The following ADGRB3 variants were observed in gnomAD, a reference collection of about 807,000 sequenced individuals.
ADGRB3 encodes brain-specific angiogenesis inhibitor 3.
ADGRB3 carries 37 observed loss-of-function variants against 193.4 expected under a neutral mutation model. The ratio of observed to expected loss-of-function variants is 0.19; its 90% CI spans 0.15 to 0.25. The LOEUF (loss-of-function observed/expected upper bound fraction) is 0.25, where lower values mean the gene tolerates loss of function less well. ADGRB3 is among the 10% of genes least tolerant of loss of function. The pLI is 1.00. For missense variants in ADGRB3, 1,637 were observed against 1,852.9 expected, an observed-to-expected ratio of 0.88 and a Z score of 2.14; for synonymous variants, 690 against 644.2, an observed-to-expected ratio of 1.07 and a Z score of -1.08.
chr6:68,739,762 G>A (rs1765941279), intron 3 of ADGRB3, among the ~76,000 whole-genome samples: 1 of 152,134 alleles, frequency 6.6e-6, no homozygotes, highest in South Asian at 2.1e-4. Context: ...TCTACAGAAT[G>A]TTTACATATT....
rs568079442 is a variant in ADGRB3 at position 69,346,695 on chromosome 6, A to G, written c.3459+7191A>G. On this transcript the variant is annotated intron_variant, in intron 26 of 31. Coordinates refer to ENST00000370598, the MANE Select transcript of ADGRB3 (RefSeq NM_001704.3). ...TTAGAATGGTGATCATTAAAAAGTC[A>G]GGAAACAACAGATGCTGGAGAGGAT... Among the ~76,000 whole-genome samples the G allele has an allele frequency of 7.9e-5, 12 of 152,326 alleles. No homozygotes were observed. The East Asian group carries it at 2.1e-3, about 27-fold the overall frequency.
intron 8 of ADGRB3, among the ~76,000 whole-genome samples, chr6:68,960,585 C>T (rs1768204440): frequency 6.6e-6 from 1 of 152,124 alleles, no homozygotes; most frequent in African/African-American, 2.4e-5. Flanking sequence ...AGGATTATGC[C>T]TCCTCTGGAG....
chr6:68,999,205 C>A (rs923324406), intron 11 of ADGRB3, among the ~76,000 whole-genome samples: 2 of 151,840 alleles, frequency 1.3e-5, no homozygotes, highest in African/African-American at 4.8e-5. Flanking sequence ...TTTTCCAAAC[C>A]TTTGGACTGT....
intron 17 of ADGRB3, among the ~76,000 whole-genome samples, chr6:69,086,829 G>T (rs1377713574): frequency 6.6e-6 from 1 of 152,042 alleles, no homozygotes; most frequent in Non-Finnish European, 1.5e-5. Flanking sequence ...TCTTCTTGTG[G>T]CAATAGTGAA....
intron 20 of ADGRB3, among the ~76,000 whole-genome samples, chr6:69,259,519 C>A (rs1488625819): frequency 6.6e-6 from 1 of 151,822 alleles, no homozygotes; most frequent in African/African-American, 2.4e-5. Flanking sequence ...CACGGTGAAA[C>A]CCAGTCTCTG....
chr6:68,804,656 TAATG>T (rs1222851569), intron 3 of ADGRB3, among the ~76,000 whole-genome samples: 3 of 152,090 alleles, frequency 2.0e-5, no homozygotes, highest in Non-Finnish European at 4.4e-5. Context: ...ACCTGGAAAA[TAATG>T]AAAGAAATTG....
intron 3 of ADGRB3, among the ~76,000 whole-genome samples, chr6:68,909,164 G>A (rs758825856): frequency 5.8e-4 from 88 of 152,244 alleles, no homozygotes; most frequent in African/African-American, 2.1e-3. Context: ...TGTTATATGT[G>A]CTTCCTCACA....
intron 3 of ADGRB3, among the ~76,000 whole-genome samples, chr6:68,846,392 A>C (rs1053686111): frequency 1.3e-5 from 2 of 152,238 alleles, no homozygotes; most frequent in African/African-American, 4.8e-5. Context: ...CCCCAAGATT[A>C]TGGGGAAAAT....
chr6:68,788,745 A>G (rs995714227), intron 3 of ADGRB3, among the ~76,000 whole-genome samples: 1 of 151,934 alleles, frequency 6.6e-6, no homozygotes, highest in African/African-American at 2.4e-5. Flanking sequence ...TCTAACGTTG[A>G]CAATGGGGTG....
chr6:68,714,696 A>G (rs1321124500), intron 3 of ADGRB3, among the ~76,000 whole-genome samples: 1 of 151,900 alleles, frequency 6.6e-6, no homozygotes, highest in Non-Finnish European at 1.5e-5. Context: ...CAGGAATAAC[A>G]GTGATTCATT....
chr6:69,078,047 G>A (rs905278869), intron 17 of ADGRB3, among the ~76,000 whole-genome samples: 6 of 151,682 alleles, frequency 4.0e-5, no homozygotes, highest in African/African-American at 9.7e-5. Flanking sequence ...TAGTTTTATT[G>A]ATGTAATCAT....
At chr6:69,322,396 A>C (rs977609651) in intron 20 of ADGRB3, among the ~76,000 whole-genome samples, 54 of 152,022 alleles carry the variant, frequency 3.6e-4, no homozygotes, top group African/African-American at 1.1e-3. Flanking sequence ...GTCAAGTGAT[A>C]TTTCTGTCTT....
chr6:68,969,165 G>A (rs1250743716), intron 8 of ADGRB3, among the ~76,000 whole-genome samples: 1 of 151,938 alleles, frequency 6.6e-6, no homozygotes, highest in East Asian at 1.9e-4. Flanking sequence ...TGGGGAATTG[G>A]GGAGGTTCAC....
chr6:69,259,101 G>T (rs1299539840), intron 20 of ADGRB3, among the ~76,000 whole-genome samples: 1 of 152,056 alleles, frequency 6.6e-6, no homozygotes, highest in Non-Finnish European at 1.5e-5. Flanking sequence ...TGACCTTCCT[G>T]GAGAAAAGCA....
intron 3 of ADGRB3, among the ~76,000 whole-genome samples, chr6:68,787,886 G>C (rs981002422): frequency 7.2e-5 from 11 of 152,104 alleles, no homozygotes; most frequent in Admixed American, 2.6e-4. Flanking sequence ...GTCTTGGGAG[G>C]ATATATGTGT....
At chr6:68,704,152 G>A (rs1765288041) in intron 3 of ADGRB3, among the ~76,000 whole-genome samples, 1 of 152,082 alleles carries the variant, frequency 6.6e-6, no homozygotes, top group Admixed American at 6.6e-5. Context: ...CATTTAATTT[G>A]AAGGTTGTCC....
intron 10 of ADGRB3, among the ~76,000 whole-genome samples, chr6:68,981,845 G>GTTATTTATTTAT (rs3043275): frequency 0.01 from 1,398 of 139,712 alleles, 29 homozygotes; most frequent in Non-Finnish European, 0.015. Flanking sequence ...TACCTATTTT[G>GTTATTTATTTAT]TTATTTATTT....
intron 30 of ADGRB3, among the ~76,000 whole-genome samples, chr6:69,375,554 A>G (rs1159637354): frequency 6.6e-6 from 1 of 152,104 alleles, no homozygotes; most frequent in Non-Finnish European, 1.5e-5. Flanking sequence ...ATATCTAGTC[A>G]GGGTGAGTTC....
At chr6:69,233,500 T>C in intron 18 of ADGRB3, 84 bp downstream of exon 18, 1 of 1,536,282 alleles carries the variant, frequency 6.5e-7, no homozygotes, top group Non-Finnish European at 8.8e-7. Context: ...GCATTTTAAA[T>C]GGGGAAATGG....
Sources: allele counts gnomAD v4.1 joint callset (sites outside exome capture counted in the v4.1 genomes callset), GRCh38; gene constraint gnomAD v4.1.1; transcripts MANE v1.5; gene names NCBI Gene and HGNC (gene_info 2026-07-23, HGNC 2026-07-21).